The following THSD7B variants were observed in gnomAD, a reference collection of about 807,000 sequenced individuals.
THSD7B encodes the protein thrombospondin type 1 domain containing 7B.
Under a neutral mutation model 213.6 loss-of-function variants are expected in THSD7B, and 138 were observed. The observed-to-expected ratio is 0.65, with a 90% CI of 0.56 to 0.74. THSD7B has a LOEUF of 0.74. THSD7B is among the 30% of genes least tolerant of loss of function. The pLI, the probability that THSD7B is intolerant of heterozygous loss-of-function variation, is 0.00. For missense variants in THSD7B, 1,931 were observed against 1,991.5 expected (o/e 0.97, Z 0.58); for synonymous variants, 742 against 687.0 (o/e 1.08, Z -1.25).
chr2:136,859,195 A>G (rs1683222944), intron 1 of THSD7B, among the ~76,000 whole-genome samples: 1 of 152,214 alleles, frequency 6.6e-6, no homozygotes, highest in African/African-American at 2.4e-5. Context: ...TTCACTATGA[A>G]CATCTTCACT....
At chr2:136,786,924 AT>A (rs1299226517) in intron 1 of THSD7B, among the ~76,000 whole-genome samples, 2 of 152,194 alleles carry the variant, frequency 1.3e-5, no homozygotes, top group Non-Finnish European at 2.9e-5. Flanking sequence ...GGCATAGTAT[AT>A]TTAAAAAAAG....
In THSD7B at chr2:137,346,094, T is replaced by C. The variant is rs116909682; in HGVS notation, c.2501-59519T>C. The stretch of plus-strand genomic sequence containing the variant: ...TTTTGTTTCGAGAGCATTTTTCTAG[T>C]GGTAAAAAGCACTTAACATAAAATT... On this transcript the variant is annotated intron_variant, in intron 12 of 27. Coordinates refer to ENST00000409968, the MANE Select transcript of THSD7B (RefSeq NM_001316349.2). Among the ~76,000 whole-genome samples the C allele has an allele frequency of 4.1e-4, 62 of 151,652 alleles. No individual in the cohort carries two copies. In the East Asian group the frequency reaches 8.0e-3, roughly 20 times the overall value.
At chr2:137,326,329 G>C (rs1343805830) in intron 12 of THSD7B, among the ~76,000 whole-genome samples, 2 of 152,268 alleles carry the variant, frequency 1.3e-5, no homozygotes, top group East Asian at 3.9e-4. Flanking sequence ...TCTTTGTCTG[G>C]CATGTAGTTG....
intron 12 of THSD7B, among the ~76,000 whole-genome samples, chr2:137,358,447 C>T (rs890912402): frequency 6.6e-6 from 1 of 152,078 alleles, no homozygotes; most frequent in Admixed American, 6.6e-5. Context: ...TAGATGTGAA[C>T]TTATTACACC....
intron 17 of THSD7B, among the ~76,000 whole-genome samples, chr2:137,589,517 C>A (rs1323481852): frequency 6.6e-6 from 1 of 152,096 alleles, no homozygotes; most frequent in African/African-American, 2.4e-5. Flanking sequence ...TATATTTAGG[C>A]ATTGCTATTT....
At chr2:136,872,531 T>C (rs1172031129) in intron 1 of THSD7B, among the ~76,000 whole-genome samples, 1 of 151,968 alleles carries the variant, frequency 6.6e-6, no homozygotes, top group African/African-American at 2.4e-5. Context: ...TATTTTTTCT[T>C]TTCTTTTCTC....
chr2:136,813,449 G>C (rs1260445147), intron 1 of THSD7B, among the ~76,000 whole-genome samples: 2 of 152,180 alleles, frequency 1.3e-5, no homozygotes, highest in Non-Finnish European at 2.9e-5. Context: ...CCTGCTCTTC[G>C]AGATGACTTA....
At chr2:137,587,603 C>T (rs952633161) in intron 17 of THSD7B, among the ~76,000 whole-genome samples, 12 of 152,202 alleles carry the variant, frequency 7.9e-5, no homozygotes, top group African/African-American at 2.9e-4. Flanking sequence ...GAGGTCCACT[C>T]CAAACCCTGT....
intron 17 of THSD7B, among the ~76,000 whole-genome samples, chr2:137,612,410 C>A (rs1362742621): frequency 1.3e-5 from 2 of 152,026 alleles, no homozygotes; most frequent in Non-Finnish European, 2.9e-5. Context: ...CTGGAGGGAG[C>A]CAGTGCAGGT....
intron 2 of THSD7B, among the ~76,000 whole-genome samples, chr2:137,052,592 G>A (rs1023705545): frequency 6.6e-6 from 1 of 151,898 alleles, no homozygotes; most frequent in African/African-American, 2.4e-5. Context: ...TGTAATAAAT[G>A]TAAAGGTAAT....
chr2:136,828,576 C>T (rs116451092), intron 1 of THSD7B, among the ~76,000 whole-genome samples: 1 of 152,338 alleles, frequency 6.6e-6, no homozygotes, highest in African/African-American at 2.4e-5. Context: ...CTACAAGGAC[C>T]TGTATGCCTG....
Position 137,400,109 on chromosome 2 carries a change from T to C in THSD7B, c.2501-5504T>C, listed in dbSNP as rs1043602930. 3.9e-5 allele frequency among the ~76,000 whole-genome samples: 6 copies of C among 152,260 alleles called. No homozygotes were observed. In the East Asian group the frequency reaches 1.2e-3, roughly 29 times the overall value. On this transcript the variant is annotated intron_variant, in intron 12 of 27. Transcript: ENST00000409968. Reference sequence around the variant, plus strand: ...TTCATATCCTAAATTGATTTTCTAATTTTTTTGTCTTAGTTTTTGTCATTC... The same window carrying C: ...TTCATATCCTAAATTGATTTTCTAACTTTTTTGTCTTAGTTTTTGTCATTC...
intron 12 of THSD7B, among the ~76,000 whole-genome samples, chr2:137,398,343 G>T (rs1348800807): frequency 6.9e-6 from 1 of 145,274 alleles, no homozygotes; most frequent in Non-Finnish European, 1.5e-5. Context: ...TGGGTTTTTG[G>T]TGTGGATGTC....
intron 7 of THSD7B, among the ~76,000 whole-genome samples, chr2:137,191,482 C>G (rs1476897199): frequency 6.6e-6 from 1 of 151,892 alleles, no homozygotes; most frequent in Non-Finnish European, 1.5e-5. Context: ...GGCTGGGGAG[C>G]AGGGAAACTG....
rs1288788971 is a variant in THSD7B at position 137,572,418 on chromosome 2, T to A, written c.3285T>A (p.Thr1095=). Residue 1095 remains threonine, a synonymous_variant, in exon 17 of 28, where the codon ACT becomes ACA. Coordinates refer to ENST00000409968, the MANE Select transcript of THSD7B (RefSeq NM_001316349.2). ...CCTTGCTTTACAGATGTGTGAATACTGCGGATGGTGAAGGTGGAGCAGTGG... is the reference window on the plus strand; with the variant it reads ...CCTTGCTTTACAGATGTGTGAATACAGCGGATGGTGAAGGTGGAGCAGTGG... ...TQSRKIRCVN[T]ADGEGGAVDS... The A allele has an allele frequency of 1.2e-6, 2 of 1,613,758 alleles. No individual in the cohort carries two copies. Among genetic ancestry groups the A allele is most frequent in the African/African-American group, 2.7e-5 (2 of 74,924 alleles).
intron 10 of THSD7B, among the ~76,000 whole-genome samples, chr2:137,260,185 A>T (rs1682409083): frequency 6.6e-6 from 1 of 152,252 alleles, no homozygotes; most frequent in Non-Finnish European, 1.5e-5. Context: ...AACAAATTAT[A>T]GCCCAAATAA....
intron 12 of THSD7B, among the ~76,000 whole-genome samples, chr2:137,367,679 C>G (rs1014032288): frequency 5.9e-5 from 9 of 152,090 alleles, no homozygotes; most frequent in African/African-American, 2.2e-4. Context: ...TCTCACAGTT[C>G]TGGAGGCTGG....
chr2:136,901,688 T>C (rs1178151021), intron 2 of THSD7B, among the ~76,000 whole-genome samples: 1 of 152,216 alleles, frequency 6.6e-6, no homozygotes, highest in Non-Finnish European at 1.5e-5. Context: ...CAAGGAGAAA[T>C]TCCCCCCAGG....
intron 17 of THSD7B, among the ~76,000 whole-genome samples, chr2:137,584,534 T>G (rs879789683): frequency 6.6e-6 from 1 of 152,236 alleles, no homozygotes; most frequent in Non-Finnish European, 1.5e-5. Context: ...TATTGAGAGT[T>G]TTTAGCATGA....
Sources: gnomAD v4.1 joint callset for allele counts (sites outside exome capture counted in the v4.1 genomes callset) on GRCh38, gnomAD v4.1.1 for gene constraint, MANE v1.5 for transcripts, NCBI Gene and HGNC (gene_info 2026-07-23, HGNC 2026-07-21) for gene names.